NMT2: variants seen among roughly 807,000 people sequenced by gnomAD.
The protein encoded by NMT2 is N-myristoyltransferase 2.
In NMT2, 35 loss-of-function variants were observed where a neutral mutation model predicts 65.4. The ratio of observed to expected loss-of-function variants is 0.54; its 90% CI spans 0.41 to 0.71. NMT2 has a LOEUF of 0.71. Ranked by LOEUF, NMT2 falls within the 30% of genes least tolerant of loss-of-function variation. NMT2 has a pLI of 0.00. For synonymous variants in NMT2, 226 were observed against 231.8 expected (o/e 0.98, Z 0.23); for missense variants, 489 against 611.3 (o/e 0.80, Z 2.11).
chr10:15,109,668 T>C (rs199689582), intron 11 of NMT2, 34 bp downstream of exon 11: 16 of 1,513,592 alleles, frequency 1.1e-5, no homozygotes, highest in Non-Finnish European at 1.3e-5. Context: ...GGTACATTTG[T>C]TGAGTTTACA....
At chr10:15,155,269 C>T in intron 1 of NMT2, 1 of 1,446,954 alleles carries the variant, frequency 6.9e-7, no homozygotes, top group Non-Finnish European at 9.7e-7. Context: ...GAGACGTGCC[C>T]CAAGGCCTCG....
chr10:15,148,235 G>A (rs954679397), intron 1 of NMT2, among the ~76,000 whole-genome samples: 2 of 152,202 alleles, frequency 1.3e-5, no homozygotes, highest in African/African-American at 4.8e-5. Flanking sequence ...GCCAGGTGTG[G>A]TGGCTCATGT....
chr10:15,107,705 T>C lies in NMT2; in HGVS notation c.*1490A>G, dbSNP rs549180774. The C allele has an allele frequency of 2.2e-4, 198 of 911,496 alleles. 1 individual carries two copies. The South Asian group carries it at 8.0e-3, about 37-fold the overall frequency. 56.5% of individuals were successfully genotyped at this position (911,496 alleles called of 1,614,324 possible). On this transcript the variant is annotated 3_prime_UTR_variant, in exon 12 of 12. Coordinates refer to ENST00000378165, the MANE Select transcript of NMT2 (RefSeq NM_004808.3). ...CCTGACCTCAAATGTTTCGCCCGCC[T>C]TGGCCTCCCAAAGTGCTGGGATTAC...
rs115656993 is a variant in NMT2, at chr10:15,136,232, G to A, written c.247-814C>T. On this transcript the variant is annotated intron_variant, in intron 2 of 11. Transcript: ENST00000378165. ...GCAAGACTCTGTCAGGAAAGGGAAA[G>A]GGAAAGGGAAAGGAAGGGAAGGGAA... Among the ~76,000 whole-genome samples the A allele has an allele frequency of 9.1e-3, 1,332 of 146,292 alleles. 26 individuals are homozygous for A. The highest frequency in any genetic ancestry group is 0.031 in the African/African-American group (1,245 of 39,560).
rs532556383 is a variant in NMT2 at position 15,106,009 on chromosome 10, T to C, written c.*3186A>G. On this transcript the variant is annotated 3_prime_UTR_variant, in exon 12 of 12. Coordinates refer to ENST00000378165, the MANE Select transcript of NMT2 (RefSeq NM_004808.3). ...GCAATGCTGCAGTTATTTATTTTAC[T>C]TTCGAGATAGAGTCTCACTCTGTTG... 4 of 419,358 alleles carry C rather than the reference T, an allele frequency of 9.5e-6. No homozygotes were observed. Among genetic ancestry groups the C allele is most frequent in the African/African-American group, 8.5e-5 (4 of 47,254 alleles). The allele number at this position is 419,358 out of a possible 1,614,324, so 26.0% of individuals were successfully genotyped here.
intron 10 of NMT2, among the ~76,000 whole-genome samples, chr10:15,112,196 ATATATATATATATATATATATTTTTT>A (rs1845555433): frequency 7.8e-5 from 1 of 12,744 alleles, no homozygotes; most frequent in Admixed American, 1.1e-3. Context: ...ATATATATAT[ATATATATATATATATATATATTTTTT>A]TTTTTTTTTT....
chr10:15,127,039 T>C (rs1033668568), intron 8 of NMT2, among the ~76,000 whole-genome samples: 1 of 151,474 alleles, frequency 6.6e-6, no homozygotes, highest in African/African-American at 2.4e-5. Flanking sequence ...AAGACCAGCC[T>C]GGCCAACATG....
At position 15,138,415 on chromosome 10, in the gene NMT2, C is replaced by T. The variant is rs775359083; in HGVS notation, c.247-2997G>A. On this transcript the variant is annotated intron_variant, in intron 2 of 11. Transcript: ENST00000378165. ...AGCTATGATCATTTCTCATGCCTGT[C>T]CATTCACCTTCCATAGTAGCACTAC... 10 of 471,142 alleles carry T rather than the reference C, an allele frequency of 2.1e-5. 1 individual carries two copies. Among genetic ancestry groups the T allele is most frequent in the South Asian group, 1.5e-4 (10 of 64,568 alleles). The allele number at this position is 471,142 out of a possible 1,614,324, so 29.2% of individuals were successfully genotyped here.
chr10:15,135,294 G>A lies in NMT2; in HGVS notation c.371C>T (p.Thr124Ile). ...CTTACCTAGTTTTGGTACCGGTTGT[G>A]TGTCCCAAAACTGGTATCTGTGCTT... ...AAKHRYQFWD[T>I]QPVPKLDEVI... is the part of the protein sequence containing the mutation. Residue 124 changes from threonine to isoleucine, a missense_variant, in exon 3 of 12, where the codon ACA (threonine) becomes ATA (isoleucine). Transcript: ENST00000378165. 6.2e-7 allele frequency: 1 copy of A among 1,614,024 alleles called. No individual in the cohort carries two copies. Among genetic ancestry groups the A allele is most frequent in the South Asian group, 1.1e-5 (1 of 91,058 alleles).
rs1207446367 is a variant in NMT2 at position 15,105,987 on chromosome 10, A to G, written c.*3208T>C. 9 of 414,496 alleles carry G rather than the reference A, an allele frequency of 2.2e-5. No homozygotes were observed. Among genetic ancestry groups the G allele is most frequent in the South Asian group, 1.3e-4 (8 of 59,382 alleles). The allele number at this position is 414,496 out of a possible 1,614,324, so 25.7% of individuals were successfully genotyped here. A position where few individuals can be genotyped will look rare whatever the true frequency, so the allele number is the denominator to read the frequency against. ...CTCATGACAAAGTTTCCAACTGGCA[A>G]TGCTGCAGTTATTTATTTTACTTTC... On this transcript the variant is annotated 3_prime_UTR_variant, in exon 12 of 12. Coordinates refer to ENST00000378165, the MANE Select transcript of NMT2 (RefSeq NM_004808.3).
intron 8 of NMT2, among the ~76,000 whole-genome samples, chr10:15,126,787 T>C (rs1846086832): frequency 6.6e-6 from 1 of 152,234 alleles, no homozygotes; most frequent in Non-Finnish European, 1.5e-5. Context: ...AAGCTGTGAC[T>C]GGATTTCTGG....
intron 1 of NMT2, among the ~76,000 whole-genome samples, chr10:15,143,594 C>T (rs995328568): frequency 9.2e-5 from 14 of 152,220 alleles, no homozygotes; most frequent in African/African-American, 3.4e-4. Flanking sequence ...TGGTGGCTCA[C>T]GCCTATAATC....
At chr10:15,112,493 T>C (rs1228422641) in intron 10 of NMT2, among the ~76,000 whole-genome samples, 1 of 151,276 alleles carries the variant, frequency 6.6e-6, no homozygotes, top group East Asian at 1.9e-4. Flanking sequence ...CCTCCCAAAG[T>C]GTTGGGATTA....
In NMT2 at chr10:15,112,923, G is replaced by A. The variant is rs765714868; in HGVS notation, c.1211C>T (p.Thr404Met). 5.6e-5 allele frequency: 91 copies of A among 1,613,952 alleles called. No individual in the cohort carries two copies. The highest frequency in any genetic ancestry group is 6.7e-5 in the African/African-American group (5 of 74,898). The change falls in exon 10 of 12, where the codon ACG becomes ATG. Residue 404 changes from threonine (T) to methionine (M), a missense_variant. Thr to Met is a moderately conservative substitution (Grantham distance 81, BLOSUM62 -1). Coordinates refer to ENST00000378165, the MANE Select transcript of NMT2 (RefSeq NM_004808.3). ...GTGGTGCATCACCGTGGAGGGGAGCGTATAGAAGCTCAGGAAATCAGTCAG... is the reference window on the plus strand; with the variant it reads ...GTGGTGCATCACCGTGGAGGGGAGCATATAGAAGCTCAGGAAATCAGTCAG... ...GKLTDFLSFYTLPSTVMHHPA... is the reference protein window; with the variant it reads ...GKLTDFLSFYMLPSTVMHHPA...
intron 9 of NMT2, among the ~76,000 whole-genome samples, chr10:15,114,492 C>A (rs189512116): frequency 6.6e-6 from 1 of 152,122 alleles, no homozygotes; most frequent in Non-Finnish European, 1.5e-5. Flanking sequence ...CACAACAAAA[C>A]CCACCATGGC....
At chr10:15,111,966 A>G (rs1268457890) in intron 10 of NMT2, among the ~76,000 whole-genome samples, 1 of 150,868 alleles carries the variant, frequency 6.6e-6, no homozygotes, top group Non-Finnish European at 1.5e-5. Flanking sequence ...GGTGTGTGCT[A>G]TCACACCCTG....
intron 1 of NMT2, among the ~76,000 whole-genome samples, chr10:15,159,353 T>C (rs554859706): frequency 6.6e-6 from 1 of 152,300 alleles, no homozygotes; most frequent in South Asian, 2.1e-4. Flanking sequence ...CCATACTTTA[T>C]TTTCAGATAA....
intron 1 of NMT2, among the ~76,000 whole-genome samples, chr10:15,155,530 G>A (rs978655770): frequency 1.4e-5 from 2 of 147,138 alleles, no homozygotes; most frequent in African/African-American, 5.1e-5. Flanking sequence ...CACTATGCCG[G>A]GCTAGTTTTT....
intron 2 of NMT2, among the ~76,000 whole-genome samples, chr10:15,136,086 G>A (rs183686935): frequency 1.3e-5 from 2 of 152,002 alleles, no homozygotes; most frequent in Admixed American, 6.6e-5. Flanking sequence ...AATTAGCCAG[G>A]CATGATGGCA....
Sources: allele counts gnomAD v4.1 joint callset (sites outside exome capture counted in the v4.1 genomes callset), GRCh38; gene constraint gnomAD v4.1.1; transcripts MANE v1.5; gene names NCBI Gene and HGNC (gene_info 2026-07-23, HGNC 2026-07-21).